ABAT: variants seen among roughly 807,000 people sequenced by gnomAD.
ABAT encodes the protein 4-aminobutyrate aminotransferase.
A neutral mutation model predicts 64.6 loss-of-function variants in ABAT; 45 were observed. The observed-to-expected ratio is 0.70, with a 90% CI of 0.55 to 0.89. ABAT has a LOEUF of 0.89. Among genes scored for constraint, ABAT ranks in the 40% least tolerant of loss-of-function variants. ABAT has a pLI of 0.00. For missense variants in ABAT, 633 were observed against 658.4 expected (o/e 0.96, Z 0.42); for synonymous variants, 297 against 250.5 (o/e 1.19, Z -1.75).
intron 1 of ABAT, among the ~76,000 whole-genome samples, chr16:8,675,876 G>A (rs552972625): frequency 7.9e-5 from 12 of 152,288 alleles, no homozygotes; most frequent in Non-Finnish European, 1.3e-4. Context: ...CCCCCCTAAA[G>A]TGTGCACCCC....
rs373987689 is a variant in ABAT, at chr16:8,716,205, CCT to C, written c.-41-19493_-41-19492del. On this transcript the variant is annotated intron_variant, in intron 1 of 15. Transcript: ENST00000268251. ...CCCAGGCCACATTATGCCCCCACCCCCTGTTTTGTGAAATTTAGTACTAAAGA... is the reference window on the plus strand; with the variant it reads ...CCCAGGCCACATTATGCCCCCACCCCGTTTTGTGAAATTTAGTACTAAAGA... 6.4e-3 allele frequency among the ~76,000 whole-genome samples: 980 copies of C among 152,242 alleles called. 10 individuals carry two copies. Among genetic ancestry groups the C allele is most frequent in the Middle Eastern group, 0.041 (12 of 294 alleles).
intron 1 of ABAT, among the ~76,000 whole-genome samples, chr16:8,707,196 T>A (rs765837956): frequency 1.3e-5 from 2 of 151,986 alleles, no homozygotes; most frequent in African/African-American, 4.8e-5. Context: ...CTTTTTTTGT[T>A]GTTTTTTTGA....
intron 1 of ABAT, among the ~76,000 whole-genome samples, chr16:8,734,296 C>T (rs1054341265): frequency 3.2e-4 from 48 of 152,172 alleles, no homozygotes; most frequent in African/African-American, 1.1e-3. Context: ...TCTCTTTGTT[C>T]CTCATGAAGA....
At chr16:8,701,838 G>C (rs891955953) in intron 1 of ABAT, among the ~76,000 whole-genome samples, 2 of 151,958 alleles carry the variant, frequency 1.3e-5, no homozygotes, top group African/African-American at 4.8e-5. Flanking sequence ...GATTTTTGGG[G>C]AGTGGAATGG....
At chr16:8,777,421 G>A (rs1056230687) in intron 14 of ABAT, among the ~76,000 whole-genome samples, 8 of 152,132 alleles carry the variant, frequency 5.3e-5, no homozygotes, top group Non-Finnish European at 8.8e-5. Context: ...TCCAGCCATC[G>A]CATCTCAATT....
At chr16:8,758,772 C>G (rs142120484) in intron 6 of ABAT, among the ~76,000 whole-genome samples, 44 of 152,184 alleles carry the variant, frequency 2.9e-4, no homozygotes, top group Middle Eastern at 3.4e-3. Flanking sequence ...TGTCTCTATC[C>G]GAAGAGAGAT....
At chr16:8,742,347 G>C (rs116670083) in intron 2 of ABAT, among the ~76,000 whole-genome samples, 1 of 152,140 alleles carries the variant, frequency 6.6e-6, no homozygotes, top group African/African-American at 2.4e-5. Flanking sequence ...ACAATGCAAT[G>C]TCAAGACACT....
intron 5 of ABAT, 37 bp from the exon 6 acceptor site, chr16:8,757,720 T>C (rs1567306820): frequency 6.2e-7 from 1 of 1,607,758 alleles, no homozygotes; most frequent in Non-Finnish European, 8.5e-7. Context: ...AACCCTTGGA[T>C]GCAATGAGGT....
chr16:8,772,860 T>C lies in ABAT; in HGVS notation c.897T>C (p.Gly299=). Residue 299 remains glycine, a synonymous_variant, in exon 12 of 16, where the codon GGT becomes GGC. Coordinates refer to ENST00000268251, the MANE Select transcript of ABAT (RefSeq NM_020686.6). ...GIIVEPIQSE[G]GDNHASDDFF... ...TCGTGGAGCCCATCCAGTCCGAGGG[T>C]GGAGACAACCACGCATCCGATGACT... 6.2e-7 allele frequency: 1 copy of C among 1,613,778 alleles called. No individual in the cohort carries two copies. The highest frequency in any genetic ancestry group is 8.5e-7 in the Non-Finnish European group (1 of 1,179,964).
chr16:8,721,867 G>A (rs1208866798), intron 1 of ABAT, among the ~76,000 whole-genome samples: 1 of 152,208 alleles, frequency 6.6e-6, no homozygotes, highest in Admixed American at 6.5e-5. Context: ...AAAAGAAAAA[G>A]GACGAGGAGA....
intron 1 of ABAT, among the ~76,000 whole-genome samples, chr16:8,716,563 G>A (rs1039842906): frequency 3.3e-5 from 5 of 152,136 alleles, no homozygotes; most frequent in African/African-American, 7.2e-5. Context: ...ACAGGGTCCC[G>A]TGTTCAGAAG....
chr16:8,731,054 C>T (rs1183182492), intron 1 of ABAT, among the ~76,000 whole-genome samples: 1 of 151,366 alleles, frequency 6.6e-6, no homozygotes, highest in Non-Finnish European at 1.5e-5. Context: ...TCTCCGCCTC[C>T]CAGGTTCAAG....
At chr16:8,723,002 G>A (rs2058418724) in intron 1 of ABAT, among the ~76,000 whole-genome samples, 3 of 152,132 alleles carry the variant, frequency 2.0e-5, no homozygotes, top group Admixed American at 6.5e-5. Context: ...ACTCTGGGAG[G>A]CCGAGGGATC....
rs201716713 is a variant in ABAT at position 8,735,192 on chromosome 16, A to G, written c.-41-507A>G. Among the ~76,000 whole-genome samples, 241 of 148,992 alleles carry G rather than the reference A, an allele frequency of 1.6e-3. 3 individuals are homozygous for G. In the East Asian group the frequency reaches 0.026, roughly 16 times the overall value. On this transcript the variant is annotated intron_variant, in intron 1 of 15. Transcript: ENST00000268251. ...CCATCTCAAAAAAAAAAAAAAAAAA[A>G]TGTGAATTGAAGTATATATTCAGTA... is the stretch of plus-strand genomic sequence containing the variant.
intron 1 of ABAT, among the ~76,000 whole-genome samples, chr16:8,734,074 G>A (rs1302336857): frequency 6.6e-6 from 1 of 152,084 alleles, no homozygotes; most frequent in Non-Finnish European, 1.5e-5. Flanking sequence ...CTTGGCTATT[G>A]TGAATAATGC....
intron 1 of ABAT, among the ~76,000 whole-genome samples, chr16:8,683,964 CAG>C (rs35163930): frequency 0.59 from 88,332 of 150,050 alleles, 26,139 homozygotes; most frequent in East Asian, 0.77. Context: ...GTGAGAGAGA[CAG>C]AGAGAGAGAG....
At chr16:8,734,618 G>A (rs1366840627) in intron 1 of ABAT, among the ~76,000 whole-genome samples, 1 of 152,152 alleles carries the variant, frequency 6.6e-6, no homozygotes, top group Admixed American at 6.5e-5. Flanking sequence ...AAAGCGTTTT[G>A]TGCAGCATGC....
intron 1 of ABAT, among the ~76,000 whole-genome samples, chr16:8,725,010 G>T (rs1158737318): frequency 6.6e-6 from 1 of 151,076 alleles, no homozygotes; most frequent in Non-Finnish European, 1.5e-5. Context: ...TCCGCCTCCC[G>T]GGTCCAAGCG....
chr16:8,709,548 A>G (rs1331417002), intron 1 of ABAT, among the ~76,000 whole-genome samples: 1 of 151,840 alleles, frequency 6.6e-6, no homozygotes, highest in African/African-American at 2.4e-5. Context: ...TAATTTTTGT[A>G]TTTTCAGTAG....
Sources: allele counts gnomAD v4.1 joint callset (sites outside exome capture counted in the v4.1 genomes callset), GRCh38; gene constraint gnomAD v4.1.1; transcripts MANE v1.5; gene names NCBI Gene and HGNC (gene_info 2026-07-23, HGNC 2026-07-21).